The following LHFPL3 variants were observed in gnomAD, a reference collection of about 807,000 sequenced individuals.
LHFPL3 encodes the protein LHFPL tetraspan subfamily member 3.
Under a neutral mutation model 19.3 loss-of-function variants are expected in LHFPL3, and 5 were observed. The ratio of observed to expected loss-of-function variants is 0.26; its 90% confidence interval spans 0.14 to 0.54. The LOEUF is 0.54. LHFPL3 is among the 20% of genes least tolerant of loss of function. The pLI is 0.94. For synonymous variants in LHFPL3, 133 were observed against 126.2 expected, an observed-to-expected ratio of 1.05 and a Z score of -0.36; for missense variants, 249 against 307.4, an observed-to-expected ratio of 0.81 and a Z score of 1.42.
At chr7:104,468,872 G>C (rs1423177860) in intron 1 of LHFPL3, among the ~76,000 whole-genome samples, 1 of 152,028 alleles carries the variant, frequency 6.6e-6, no homozygotes, top group Non-Finnish European at 1.5e-5. Context: ...TGTTGGCCAG[G>C]CTGGTCTTGA....
chr7:104,481,863 G>A (rs1439997074), intron 1 of LHFPL3, among the ~76,000 whole-genome samples: 1 of 152,212 alleles, frequency 6.6e-6, no homozygotes, highest in Non-Finnish European at 1.5e-5. Context: ...GTAGGTGACT[G>A]AAGTAGGTGA....
intron 2 of LHFPL3, among the ~76,000 whole-genome samples, chr7:104,783,574 T>C (rs557703234): frequency 6.6e-6 from 1 of 152,348 alleles, no homozygotes; most frequent in South Asian, 2.1e-4. Context: ...TAATCAGCAG[T>C]TGGATCAGGC....
chr7:104,328,774 G>T lies in LHFPL3; in HGVS notation c.-6G>T, dbSNP rs752475027. 1 of 1,563,670 alleles carries T rather than the reference G, an allele frequency of 6.4e-7. No homozygotes were observed. Among genetic ancestry groups the T allele is most frequent in the Non-Finnish European group, 8.7e-7 (1 of 1,153,820 alleles). On this transcript the variant is annotated 5_prime_UTR_variant, in exon 1 of 3. Coordinates refer to ENST00000424859, the MANE Select transcript of LHFPL3 (RefSeq NM_199000.3). The surrounding 1 kb of genome is among the most constrained non-coding windows in gnomAD (Gnocchi z 4.6). Reference sequence around the variant, plus strand: ...GAGGAGGAGGAGGAGGAGGAGGAGGGGGAGAATGCCCGGAGCCGCCGCCGC... The same window carrying T: ...GAGGAGGAGGAGGAGGAGGAGGAGGTGGAGAATGCCCGGAGCCGCCGCCGC...
intron 1 of LHFPL3, among the ~76,000 whole-genome samples, chr7:104,562,366 G>A (rs941341413): frequency 2.6e-5 from 4 of 152,092 alleles, no homozygotes; most frequent in Admixed American, 6.5e-5. Flanking sequence ...ATAGTTCTTG[G>A]AGGCTTTGCT....
At chr7:104,838,775 TTTAA>T (rs1480864090) in intron 2 of LHFPL3, among the ~76,000 whole-genome samples, 1 of 152,222 alleles carries the variant, frequency 6.6e-6, no homozygotes, top group African/African-American at 2.4e-5. Context: ...TGTGTTTTAT[TTTAA>T]TTAATTTAAA....
intron 2 of LHFPL3, among the ~76,000 whole-genome samples, chr7:104,880,330 T>C (rs1792023074): frequency 6.6e-6 from 1 of 152,012 alleles, no homozygotes; most frequent in African/African-American, 2.4e-5. Flanking sequence ...TCCACCAAGA[T>C]TGGAAGCCTC....
chr7:104,753,589 T>C (rs1344571105), intron 2 of LHFPL3, among the ~76,000 whole-genome samples: 3 of 152,096 alleles, frequency 2.0e-5, no homozygotes, highest in African/African-American at 7.2e-5. Flanking sequence ...AAAATAGGAC[T>C]TCTGTTCATG....
chr7:104,590,500 T>C (rs1790688940), intron 1 of LHFPL3, among the ~76,000 whole-genome samples: 1 of 152,236 alleles, frequency 6.6e-6, no homozygotes, highest in Non-Finnish European at 1.5e-5. Context: ...ATTTCTGTTC[T>C]TTTACATTTA....
intron 1 of LHFPL3, among the ~76,000 whole-genome samples, chr7:104,372,226 G>T (rs908381234): frequency 5.3e-5 from 8 of 152,176 alleles, no homozygotes. Context: ...TGGAGGTAAT[G>T]AGGAAACTAC....
chr7:104,445,590 C>T (rs1792315872), intron 1 of LHFPL3, among the ~76,000 whole-genome samples: 1 of 152,164 alleles, frequency 6.6e-6, no homozygotes, highest in Non-Finnish European at 1.5e-5. Context: ...CCTTTCTTGT[C>T]TGGTTACTGC....
intron 1 of LHFPL3, among the ~76,000 whole-genome samples, chr7:104,428,300 T>C (rs1247495436): frequency 2.0e-5 from 3 of 152,184 alleles, no homozygotes; most frequent in Non-Finnish European, 4.4e-5. Context: ...AAAATACTTA[T>C]TAATTAAATT....
intron 2 of LHFPL3, among the ~76,000 whole-genome samples, chr7:104,790,646 T>A (rs1790006983): frequency 1.3e-5 from 2 of 152,232 alleles, no homozygotes; most frequent in African/African-American, 4.8e-5. Context: ...TATGTCAGGA[T>A]GCCAAGCCCA....
At chr7:104,479,610 T>G (rs1793092455) in intron 1 of LHFPL3, among the ~76,000 whole-genome samples, 1 of 152,170 alleles carries the variant, frequency 6.6e-6, no homozygotes, top group Admixed American at 6.5e-5. Flanking sequence ...CAGGCTGGTC[T>G]CAAACTCCTG....
At chr7:104,495,525 A>C (rs776148985) in intron 1 of LHFPL3, among the ~76,000 whole-genome samples, 1 of 152,188 alleles carries the variant, frequency 6.6e-6, no homozygotes. Context: ...CTGGGACTAC[A>C]GGCACCTGCC....
chr7:104,670,454 T>C (rs1379100291), intron 1 of LHFPL3, among the ~76,000 whole-genome samples: 1 of 152,210 alleles, frequency 6.6e-6, no homozygotes, highest in East Asian at 1.9e-4. Flanking sequence ...TATTGAAACC[T>C]TGAAACTAAA....
intron 1 of LHFPL3, chr7:104,623,006 T>TTTG (rs1186329256): frequency 5.3e-6 from 2 of 375,660 alleles, no homozygotes; most frequent in Non-Finnish European, 1.1e-5. Flanking sequence ...CATTGTAATT[T>TTTG]TTGATTTGCA....
chr7:104,822,371 C>T (rs1790690875), intron 2 of LHFPL3, among the ~76,000 whole-genome samples: 1 of 152,154 alleles, frequency 6.6e-6, no homozygotes, highest in African/African-American at 2.4e-5. Flanking sequence ...AAAGCAGTCC[C>T]TGAAATTTCA....
intron 1 of LHFPL3, among the ~76,000 whole-genome samples, chr7:104,437,313 A>G (rs1584319430): frequency 6.6e-6 from 1 of 152,216 alleles, no homozygotes; most frequent in African/African-American, 2.4e-5. Context: ...AACATAGAGA[A>G]CACAACAAAT....
intron 1 of LHFPL3, among the ~76,000 whole-genome samples, chr7:104,680,211 G>A (rs1246725985): frequency 6.6e-6 from 1 of 152,170 alleles, no homozygotes; most frequent in East Asian, 1.9e-4. Context: ...GTGGTGATGT[G>A]GCCACTCAAT....
Sources: gnomAD v4.1 joint callset for allele counts (sites outside exome capture counted in the v4.1 genomes callset) on GRCh38, gnomAD v4.1.1 for gene constraint, Gnocchi (gnomAD v3.1) non-coding constraint, MANE v1.5 for transcripts, NCBI Gene and HGNC (gene_info 2026-07-23, HGNC 2026-07-21) for gene names.